Variants in ADAMTSL1 observed in about 807,000 individuals in gnomAD.
ADAMTSL1 encodes ADAMTS like 1, also known as ADAMTS-like protein 1.
In ADAMTSL1, 126 loss-of-function variants were observed where a neutral mutation model predicts 201.8. The observed-to-expected ratio is 0.62, with a 90% CI of 0.54 to 0.72. ADAMTSL1 has a LOEUF of 0.72. Ranked by LOEUF, ADAMTSL1 falls within the 30% of genes least tolerant of loss-of-function variation. The pLI is 0.00. For missense variants in ADAMTSL1, 2,679 were observed against 2,277.8 expected (o/e 1.18, Z -3.59); for synonymous variants, 1,121 against 903.4 (o/e 1.24, Z -4.32).
chr9:18,049,630 T>TC (rs1357732196), intron 1 of ADAMTSL1, among the ~76,000 whole-genome samples: 2 of 151,140 alleles, frequency 1.3e-5, no homozygotes, highest in Admixed American at 6.6e-5. Flanking sequence ...TTTTTTTTTT[T>TC]TTTCTTTTTT....
intron 3 of ADAMTSL1, among the ~76,000 whole-genome samples, chr9:18,563,588 T>G (rs1821680061): frequency 1.3e-5 from 2 of 152,228 alleles, no homozygotes; most frequent in African/African-American, 4.8e-5. Context: ...CAGGAACGTT[T>G]AAGTCTGCTG....
At chr9:18,528,099 A>C (rs1819206429) in intron 2 of ADAMTSL1, among the ~76,000 whole-genome samples, 1 of 152,078 alleles carries the variant, frequency 6.6e-6, no homozygotes, top group African/African-American at 2.4e-5. Flanking sequence ...GCTGGTCTTG[A>C]ACTCCTGACC....
intron 2 of ADAMTSL1, among the ~76,000 whole-genome samples, chr9:18,202,294 A>G (rs1022112733): frequency 2.0e-5 from 3 of 152,196 alleles, no homozygotes; most frequent in Non-Finnish European, 4.4e-5. Context: ...AAGAACAACA[A>G]CAAAACAAGC....
chr9:18,769,031 C>T (rs1328087326), intron 16 of ADAMTSL1, among the ~76,000 whole-genome samples: 1 of 152,202 alleles, frequency 6.6e-6, no homozygotes, highest in Non-Finnish European at 1.5e-5. Flanking sequence ...TTTGATGGGT[C>T]TGAAGTGAGG....
chr9:18,181,847 T>C (rs552433812), intron 2 of ADAMTSL1, among the ~76,000 whole-genome samples: 1 of 152,136 alleles, frequency 6.6e-6, no homozygotes, highest in Non-Finnish European at 1.5e-5. Flanking sequence ...CGTATGTTTA[T>C]TGCGGCATTA....
At chr9:18,795,308 C>G in intron 19 of ADAMTSL1, 89 bp from the exon 20 acceptor site, 3 of 1,555,510 alleles carry the variant, frequency 1.9e-6, no homozygotes, top group Non-Finnish European at 2.6e-6. Flanking sequence ...TGCATACACC[C>G]TGAGGTTCCT....
chr9:18,842,955 T>A (rs1825827807), intron 23 of ADAMTSL1, among the ~76,000 whole-genome samples: 1 of 152,188 alleles, frequency 6.6e-6, no homozygotes, highest in East Asian at 1.9e-4. Flanking sequence ...GTTTCCTGAA[T>A]ACAGCACACT....
intron 19 of ADAMTSL1, 81 bp from the exon 20 acceptor site, chr9:18,795,316 C>T (rs184691123): frequency 2.5e-4 from 394 of 1,572,796 alleles, no homozygotes; most frequent in Non-Finnish European, 3.1e-4. Flanking sequence ...CCCTGAGGTT[C>T]CTTCCTGCCT....
At chr9:18,096,966 C>G (rs72699410) in intron 1 of ADAMTSL1, among the ~76,000 whole-genome samples, 4 of 152,270 alleles carry the variant, frequency 2.6e-5, no homozygotes, top group Non-Finnish European at 5.9e-5. Flanking sequence ...TAAAAGGCAT[C>G]CATTGTAAGT....
intron 16 of ADAMTSL1, among the ~76,000 whole-genome samples, chr9:18,762,179 C>T (rs980764304): frequency 5.3e-5 from 8 of 152,230 alleles, no homozygotes; most frequent in Non-Finnish European, 7.4e-5. Context: ...CCTCAAAAGA[C>T]TCATAATCCT....
At chr9:18,234,937 T>C (rs1360718747) in intron 2 of ADAMTSL1, among the ~76,000 whole-genome samples, 2 of 152,222 alleles carry the variant, frequency 1.3e-5, no homozygotes, top group Admixed American at 6.5e-5. Context: ...TGTTGCACAG[T>C]TATTATAGAT....
chr9:18,126,393 G>A (rs372318713), intron 1 of ADAMTSL1, among the ~76,000 whole-genome samples: 9 of 152,102 alleles, frequency 5.9e-5, no homozygotes, highest in East Asian at 3.9e-4. Flanking sequence ...CCCTCCTCCC[G>A]GAAGTCCTCC....
At chr9:18,275,440 C>T (rs1162696050) in intron 2 of ADAMTSL1, among the ~76,000 whole-genome samples, 1 of 152,054 alleles carries the variant, frequency 6.6e-6, no homozygotes, top group Non-Finnish European at 1.5e-5. Context: ...CAACTATCAC[C>T]AACCACAGTC....
intron 1 of ADAMTSL1, among the ~76,000 whole-genome samples, chr9:17,946,556 G>T (rs1827494556): frequency 6.6e-6 from 1 of 151,812 alleles, no homozygotes; most frequent in African/African-American, 2.4e-5. Context: ...GAAATTTTAG[G>T]CCTTTTGAAC....
intron 1 of ADAMTSL1, among the ~76,000 whole-genome samples, chr9:18,054,336 A>C (rs765646293): frequency 2.6e-5 from 4 of 152,216 alleles, no homozygotes; most frequent in African/African-American, 4.8e-5. Context: ...CTAAGAGTTT[A>C]TTGCAAAGAA....
chr9:18,726,023 T>C (rs1587992953), intron 15 of ADAMTSL1, among the ~76,000 whole-genome samples: 1 of 152,328 alleles, frequency 6.6e-6, no homozygotes. Flanking sequence ...CAAGAGGCCA[T>C]ACACCTTTTG....
At chr9:18,594,530 C>T (rs796673935) in intron 4 of ADAMTSL1, among the ~76,000 whole-genome samples, 4 of 152,208 alleles carry the variant, frequency 2.6e-5, no homozygotes, top group African/African-American at 9.6e-5. Flanking sequence ...TCTTTTCTGA[C>T]TGTATATTTT....
intron 1 of ADAMTSL1, among the ~76,000 whole-genome samples, chr9:18,021,262 C>A (rs907679785): frequency 2.6e-5 from 4 of 152,072 alleles, no homozygotes; most frequent in Middle Eastern, 3.2e-3. Context: ...TTGTTCACAG[C>A]AAATCTTTAT....
At chr9:18,789,127 C>A (rs1292613020) in intron 19 of ADAMTSL1, among the ~76,000 whole-genome samples, 1 of 152,110 alleles carries the variant, frequency 6.6e-6, no homozygotes, top group Non-Finnish European at 1.5e-5. Flanking sequence ...TCTCATTTCC[C>A]CATGTCTTCA....
Sources: allele counts gnomAD v4.1 joint callset (sites outside exome capture counted in the v4.1 genomes callset), GRCh38; gene constraint gnomAD v4.1.1; transcripts MANE v1.5; gene names NCBI Gene and HGNC (gene_info 2026-07-23, HGNC 2026-07-21).